The following TIAM1 variants were observed in gnomAD, a reference collection of about 807,000 sequenced individuals.
TIAM1 encodes rho guanine nucleotide exchange factor TIAM1.
In TIAM1, 65 loss-of-function variants were observed where a neutral mutation model predicts 163.5. The observed-to-expected ratio is 0.40, with a 90% CI of 0.33 to 0.49. The LOEUF is 0.49. Ranked by LOEUF, TIAM1 falls within the 20% of genes least tolerant of loss-of-function variation. The probability of loss-of-function intolerance (pLI) is 0.77; values close to 1 mark genes in which losing one functional copy is unlikely to be tolerated. For missense variants in TIAM1, 1,789 were observed against 2,044.7 expected, an observed-to-expected ratio of 0.87 and a Z score of 2.41; for synonymous variants, 833 against 810.1, an observed-to-expected ratio of 1.03 and a Z score of -0.48.
At position 31,251,911 on chromosome 21, in the gene TIAM1, G is replaced by A. The variant is rs765934871; in HGVS notation, c.1242C>T (p.Ser414=). 17 of 1,613,628 alleles carry A rather than the reference G, an allele frequency of 1.1e-5. No homozygotes were observed. The highest frequency in any genetic ancestry group is 8.3e-5 in the Admixed American group (5 of 59,982). The change falls in exon 5 of 28, where the codon AGC becomes AGT. Residue 414 remains serine (S), a synonymous_variant. Coordinates refer to ENST00000541036, the MANE Select transcript of TIAM1 (RefSeq NM_001353694.2). ...ACTGGCCCGGAGAGCTCAGGGTGCCGCTGCTCTGCTCATCGCTGTGCGCCG... is the reference window on the plus strand; with the variant it reads ...ACTGGCCCGGAGAGCTCAGGGTGCCACTGCTCTGCTCATCGCTGTGCGCCG... ...AGSAHSDEQS[S]GTLSSPGQSD...
intron 2 of TIAM1, among the ~76,000 whole-genome samples, chr21:31,365,919 G>A (rs1017568201): frequency 1.3e-5 from 2 of 151,326 alleles, no homozygotes; most frequent in Non-Finnish European, 2.9e-5. Context: ...TGGCCAACAT[G>A]GTGAAACCCC....
At chr21:31,177,983 T>G (rs2084845427) in intron 15 of TIAM1, among the ~76,000 whole-genome samples, 1 of 152,164 alleles carries the variant, frequency 6.6e-6, no homozygotes, top group Admixed American at 6.5e-5. Flanking sequence ...CCACTCAGGA[T>G]GTTTCCTATT....
chr21:31,459,700 G>C (rs1479943575), intron 2 of TIAM1, among the ~76,000 whole-genome samples: 1 of 152,170 alleles, frequency 6.6e-6, no homozygotes, highest in East Asian at 1.9e-4. Context: ...TTTACCATCA[G>C]GGGGTGGTGA....
rs145341566 is a variant in TIAM1 at position 31,130,241 on chromosome 21, C to T, written c.4017G>A (p.Ala1339=). The T allele has an allele frequency of 1.8e-5, 29 of 1,613,998 alleles. No homozygotes were observed. Among genetic ancestry groups the T allele is most frequent in the South Asian group, 2.2e-5 (2 of 91,088 alleles). Residue 1339 remains alanine (A), a synonymous_variant, in exon 25 of 28, where the codon GCG becomes GCA. Coordinates refer to ENST00000541036, the MANE Select transcript of TIAM1 (RefSeq NM_001353694.2). Reference sequence around the variant, plus strand: ...CACTCGCCAAAGCTCGAACCTGCAGCGCTTCCGTGGGGATCATGTGTCGAA... The same window carrying T: ...CACTCGCCAAAGCTCGAACCTGCAGTGCTTCCGTGGGGATCATGTGTCGAA... ...FRFRHMIPTE[A]LQVRALASAD...
chr21:31,343,162 T>C (rs2076069691), intron 1 of TIAM1, among the ~76,000 whole-genome samples: 1 of 152,184 alleles, frequency 6.6e-6, no homozygotes, highest in South Asian at 2.1e-4. Flanking sequence ...CAGCTCCAGC[T>C]GCTGGTGTAC....
At chr21:31,178,777 G>T (rs2146422934) in intron 15 of TIAM1, among the ~76,000 whole-genome samples, 1 of 151,998 alleles carries the variant, frequency 6.6e-6, no homozygotes, top group Non-Finnish European at 1.5e-5. Context: ...TTTTGATGGA[G>T]TTTCGCTCTT....
At chr21:31,421,705 T>C (rs192737735) in intron 2 of TIAM1, among the ~76,000 whole-genome samples, 36 of 152,264 alleles carry the variant, frequency 2.4e-4, no homozygotes, top group African/African-American at 7.9e-4. Flanking sequence ...AGAAGGAGCA[T>C]GCCAGCCGGC....
intron 2 of TIAM1, among the ~76,000 whole-genome samples, chr21:31,317,154 G>A (rs910217535): frequency 3.9e-5 from 6 of 152,234 alleles, no homozygotes; most frequent in South Asian, 2.1e-4. Context: ...GTGGATTGAC[G>A]ACACTTAAAA....
intron 7 of TIAM1, among the ~76,000 whole-genome samples, chr21:31,223,984 G>C (rs893464114): frequency 6.6e-6 from 1 of 152,190 alleles, no homozygotes; most frequent in Non-Finnish European, 1.5e-5. Context: ...TGAAAGGCTA[G>C]AAGCAATGGA....
intron 1 of TIAM1, among the ~76,000 whole-genome samples, chr21:31,343,225 A>G (rs1470645017): frequency 1.3e-5 from 2 of 152,208 alleles, no homozygotes; most frequent in Non-Finnish European, 2.9e-5. Flanking sequence ...CAGTTAACCC[A>G]ATAGCCTCCC....
At chr21:31,183,720 A>G (rs1340628868) in intron 14 of TIAM1, among the ~76,000 whole-genome samples, 2 of 147,736 alleles carry the variant, frequency 1.4e-5, no homozygotes, top group East Asian at 4.0e-4. Context: ...TTTGAGACGG[A>G]GTCTCACTCT....
At chr21:31,346,550 A>T (rs1000923694), upstream of TIAM1, among the ~76,000 whole-genome samples, 4 of 152,224 alleles carry the variant, frequency 2.6e-5, no homozygotes, top group Non-Finnish European at 1.5e-5. Flanking sequence ...GACTGTCTTG[A>T]GAATCAGAGA....
intron 3 of TIAM1, among the ~76,000 whole-genome samples, chr21:31,271,537 T>G (rs571758486): frequency 6.6e-6 from 1 of 152,268 alleles, no homozygotes; most frequent in African/African-American, 2.4e-5. Context: ...GTGTTCAGCT[T>G]GTGCTCCAGT....
intron 6 of TIAM1, among the ~76,000 whole-genome samples, chr21:31,229,614 G>C (rs1259892237): frequency 6.6e-6 from 1 of 151,792 alleles, no homozygotes; most frequent in Non-Finnish European, 1.5e-5. Flanking sequence ...CAGTGGAAAT[G>C]AGGAGCTTTT....
At chr21:31,520,790 CTT>C (rs1430365909) in intron 1 of TIAM1, among the ~76,000 whole-genome samples, 2 of 152,238 alleles carry the variant, frequency 1.3e-5, no homozygotes, top group African/African-American at 4.8e-5. Flanking sequence ...CATTATGTAA[CTT>C]AAGCTGTGGG....
chr21:31,431,650 G>A (rs553177791), intron 2 of TIAM1, among the ~76,000 whole-genome samples: 6 of 152,306 alleles, frequency 3.9e-5, no homozygotes, highest in Non-Finnish European at 7.3e-5. Flanking sequence ...GAGAAATGCC[G>A]TTAGGCAATT....
chr21:31,527,812 T>C (rs1244976678), intron 1 of TIAM1, among the ~76,000 whole-genome samples: 1 of 152,120 alleles, frequency 6.6e-6, no homozygotes, highest in Non-Finnish European at 1.5e-5. Flanking sequence ...CCTGGGCCAC[T>C]TGTGGTCAAC....
intron 1 of TIAM1, among the ~76,000 whole-genome samples, chr21:31,503,807 A>G (rs1205235062): frequency 6.6e-6 from 1 of 151,002 alleles, no homozygotes; most frequent in Non-Finnish European, 1.5e-5. Flanking sequence ...CAGGAGAAAC[A>G]CCACCATTTG....
intron 2 of TIAM1, among the ~76,000 whole-genome samples, chr21:31,380,565 ATAAAG>A (rs1280458659): frequency 1.3e-5 from 2 of 152,008 alleles, no homozygotes; most frequent in African/African-American, 4.8e-5. Flanking sequence ...GTAATATAAT[ATAAAG>A]TAAAGTAAAT....
Sources: gnomAD v4.1 joint callset for allele counts (sites outside exome capture counted in the v4.1 genomes callset) on GRCh38, gnomAD v4.1.1 for gene constraint, MANE v1.5 for transcripts, NCBI Gene and HGNC (gene_info 2026-07-23, HGNC 2026-07-21) for gene names.